Variants in CTNND2 observed in about 807,000 individuals in gnomAD.
CTNND2 encodes catenin delta 2.
Under a neutral mutation model 144.4 loss-of-function variants are expected in CTNND2, and 22 were observed. The observed-to-expected ratio is 0.15, with a 90% CI of 0.11 to 0.22. The LOEUF is 0.22. CTNND2 is among the 10% of genes least tolerant of loss of function. CTNND2 has a pLI of 1.00. For missense variants in CTNND2, 1,353 were observed against 1,618.8 expected (o/e 0.84, Z 2.82); for synonymous variants, 751 against 695.6 (o/e 1.08, Z -1.25).
intron 2 of CTNND2, among the ~76,000 whole-genome samples, chr5:11,596,834 T>C (rs1779527157): frequency 6.6e-6 from 1 of 152,152 alleles, no homozygotes; most frequent in Non-Finnish European, 1.5e-5. Flanking sequence ...AGGACTCTAG[T>C]GTTCTCTTTG....
intron 2 of CTNND2, among the ~76,000 whole-genome samples, chr5:11,578,131 C>T (rs1219083237): frequency 1.3e-5 from 2 of 152,170 alleles, no homozygotes; most frequent in Non-Finnish European, 2.9e-5. Context: ...TCCTGCTCCT[C>T]ATTGCCTCCA....
chr5:11,060,866 T>C (rs1180120375), intron 16 of CTNND2, among the ~76,000 whole-genome samples: 1 of 152,248 alleles, frequency 6.6e-6, no homozygotes, highest in Non-Finnish European at 1.5e-5. Flanking sequence ...GAAATGCTTA[T>C]CTACCTGTGG....
intron 3 of CTNND2, among the ~76,000 whole-genome samples, chr5:11,454,354 A>G (rs981854698): frequency 3.9e-5 from 6 of 152,122 alleles, no homozygotes; most frequent in Non-Finnish European, 8.8e-5. Context: ...CGGGAGGCAG[A>G]GGTTGCAGTG....
At chr5:11,658,145 T>C (rs1454152599) in intron 2 of CTNND2, among the ~76,000 whole-genome samples, 1 of 152,146 alleles carries the variant, frequency 6.6e-6, no homozygotes, top group Non-Finnish European at 1.5e-5. Context: ...GTAAGCTTCC[T>C]CTTCAAGTTT....
At chr5:11,214,395 A>T (rs1055755316) in intron 10 of CTNND2, among the ~76,000 whole-genome samples, 1 of 152,168 alleles carries the variant, frequency 6.6e-6, no homozygotes, top group Non-Finnish European at 1.5e-5. Flanking sequence ...AAATTTTCAG[A>T]TGAGTTATTT....
intron 9 of CTNND2, among the ~76,000 whole-genome samples, chr5:11,250,554 G>A (rs1743519912): frequency 7.9e-6 from 1 of 126,986 alleles, no homozygotes; most frequent in African/African-American, 3.0e-5. Context: ...GTCTTGCTCT[G>A]TTGCCTAGGT....
intron 2 of CTNND2, among the ~76,000 whole-genome samples, chr5:11,680,210 T>C (rs368483274): frequency 5.1e-4 from 77 of 152,212 alleles, no homozygotes; most frequent in African/African-American, 1.8e-3. Context: ...AGCAGGTGGA[T>C]ATCACCAACC....
At chr5:11,200,195 C>T (rs1737283867) in intron 10 of CTNND2, among the ~76,000 whole-genome samples, 1 of 152,160 alleles carries the variant, frequency 6.6e-6, no homozygotes, top group African/African-American at 2.4e-5. Flanking sequence ...AAGAACGTCT[C>T]TTACATGAGA....
chr5:11,234,210 G>GGC (rs1214005828), intron 10 of CTNND2, among the ~76,000 whole-genome samples: 1 of 151,786 alleles, frequency 6.6e-6, no homozygotes, highest in Non-Finnish European at 1.5e-5. Flanking sequence ...CAGAGACACA[G>GGC]GCACACACAC....
chr5:11,125,425 G>A (rs931089357), intron 12 of CTNND2, among the ~76,000 whole-genome samples: 2 of 152,224 alleles, frequency 1.3e-5, no homozygotes, highest in East Asian at 1.9e-4. Context: ...ACATAGCTGC[G>A]CTACTTAGCT....
chr5:11,648,305 C>A (rs930127631), intron 2 of CTNND2, among the ~76,000 whole-genome samples: 1 of 151,880 alleles, frequency 6.6e-6, no homozygotes, highest in Non-Finnish European at 1.5e-5. Flanking sequence ...CAGACCTAGG[C>A]TACTTGGTCC....
chr5:11,411,971 A>G (rs1761574824), intron 4 of CTNND2, 64 bp downstream of exon 4: 2 of 1,303,150 alleles, frequency 1.5e-6, no homozygotes, highest in African/African-American at 1.5e-5. Context: ...TAAAGTTCAT[A>G]AGAAAAGTCA....
intron 9 of CTNND2, among the ~76,000 whole-genome samples, chr5:11,262,590 G>C (rs955544462): frequency 6.6e-6 from 1 of 151,182 alleles, no homozygotes; most frequent in African/African-American, 2.4e-5. Context: ...GTGAAACCCC[G>C]TCTCTACTAA....
At chr5:11,636,022 T>G (rs1781679251) in intron 2 of CTNND2, among the ~76,000 whole-genome samples, 1 of 126,306 alleles carries the variant, frequency 7.9e-6, no homozygotes, top group African/African-American at 3.1e-5. Flanking sequence ...ATCAATGGTT[T>G]AATCCCCCCC....
chr5:11,433,267 T>G (rs1031562598), intron 3 of CTNND2, among the ~76,000 whole-genome samples: 8 of 152,084 alleles, frequency 5.3e-5, no homozygotes, highest in Admixed American at 3.9e-4. Context: ...AAAAAATTAT[T>G]TACTTATTTA....
intron 2 of CTNND2, among the ~76,000 whole-genome samples, chr5:11,632,730 G>A (rs1781477233): frequency 6.6e-6 from 1 of 152,128 alleles, no homozygotes; most frequent in South Asian, 2.1e-4. Context: ...AGGAAACCAT[G>A]CTTTAAACCA....
At chr5:11,298,782 C>T (rs1749272614) in intron 9 of CTNND2, among the ~76,000 whole-genome samples, 2 of 152,222 alleles carry the variant, frequency 1.3e-5, no homozygotes, top group South Asian at 4.1e-4. Flanking sequence ...CTCCACCATT[C>T]ACAGTCTTGG....
intron 3 of CTNND2, among the ~76,000 whole-genome samples, chr5:11,555,371 T>C (rs889403211): frequency 3.3e-5 from 5 of 152,096 alleles, no homozygotes; most frequent in Non-Finnish European, 5.9e-5. Flanking sequence ...GGGTACTATA[T>C]AGACATGGCT....
chr5:11,020,681 G>A (rs780350846), intron 17 of CTNND2, among the ~76,000 whole-genome samples: 1 of 152,082 alleles, frequency 6.6e-6, no homozygotes, highest in East Asian at 1.9e-4. Flanking sequence ...GGTAGGAGAC[G>A]AGGATAAATG....
Sources: allele counts gnomAD v4.1 joint callset (sites outside exome capture counted in the v4.1 genomes callset), GRCh38; gene constraint gnomAD v4.1.1; transcripts MANE v1.5; gene names NCBI Gene and HGNC (gene_info 2026-07-23, HGNC 2026-07-21).